Variants in CNOT10 observed in about 807,000 individuals in gnomAD.
The protein encoded by CNOT10 is CCR4-NOT transcription complex subunit 10, also known as CCR4-NOT transcription complex, subunit 10.
CNOT10 carries 30 observed loss-of-function variants against 94.6 expected under a neutral mutation model. The ratio of observed to expected loss-of-function variants is 0.32; its 90% CI spans 0.24 to 0.43. The LOEUF is 0.43. Ranked by LOEUF, CNOT10 falls within the 20% of genes least tolerant of loss-of-function variation. The pLI is 1.00. For synonymous variants in CNOT10, 289 were observed against 301.6 expected (o/e 0.96, Z 0.43); for missense variants, 759 against 877.2 (o/e 0.87, Z 1.70).
chr3:32,753,706 G>A, intron 13 of CNOT10: 1 of 1,590,586 alleles, frequency 6.3e-7, no homozygotes, highest in Non-Finnish European at 8.6e-7. Context: ...AGAAAATAAT[G>A]AAAAGTTGGA....
chr3:32,741,973 A>G (rs1411316911), intron 13 of CNOT10, among the ~76,000 whole-genome samples: 1 of 150,660 alleles, frequency 6.6e-6, no homozygotes, highest in Non-Finnish European at 1.5e-5. Context: ...TTTATTTTTT[A>G]TTTTATTTTA....
At chr3:32,724,569 C>G (rs913274510) in intron 8 of CNOT10, among the ~76,000 whole-genome samples, 2 of 152,086 alleles carry the variant, frequency 1.3e-5, no homozygotes, top group African/African-American at 4.8e-5. Flanking sequence ...CCCGCCACCA[C>G]GCCCGGCTAA....
intron 10 of CNOT10, chr3:32,730,639 A>G (rs1020796280): frequency 6.6e-6 from 1 of 152,228 alleles, no homozygotes; most frequent in Non-Finnish European, 1.5e-5. Context: ...ATAAAATTCC[A>G]TAAAATTTGT....
chr3:32,773,286 G>C (rs750853125), intron 18 of CNOT10, among the ~76,000 whole-genome samples, 171 bp from the exon 19 acceptor site: 4 of 152,152 alleles, frequency 2.6e-5, no homozygotes, highest in Non-Finnish European at 4.4e-5. Flanking sequence ...GCTTAAATCA[G>C]AATTTCTGGG....
In CNOT10 at chr3:32,736,600, C is replaced by T. The variant is rs376534804; in HGVS notation, c.1515-810C>T. Among the ~76,000 whole-genome samples, 17 of 152,236 alleles carry T rather than the reference C, an allele frequency of 1.1e-4. No individual in the cohort carries two copies. In the East Asian group the frequency reaches 2.9e-3, roughly 26 times the overall value. ...AGCTAGCCTGTCCAACATAATGAGA[C>T]CCCATCTCTACAAGAAATAAAAAAA... is the stretch of plus-strand genomic sequence containing the variant. On this transcript the variant is annotated intron_variant, in intron 12 of 18. Coordinates refer to ENST00000328834, the MANE Select transcript of CNOT10 (RefSeq NM_015442.3).
At chr3:32,723,944 G>A (rs1397023414) in intron 8 of CNOT10, among the ~76,000 whole-genome samples, 1 of 152,074 alleles carries the variant, frequency 6.6e-6, no homozygotes, top group Non-Finnish European at 1.5e-5. Flanking sequence ...GCTGGGCATG[G>A]TGGCCCGTGC....
chr3:32,703,544 TC>T (rs1424810981), intron 1 of CNOT10, among the ~76,000 whole-genome samples: 1 of 152,210 alleles, frequency 6.6e-6, no homozygotes, highest in Non-Finnish European at 1.5e-5. Flanking sequence ...TCACCTTTCT[TC>T]CTGTGACCTA....
At chr3:32,753,864 A>G (rs578088001) in intron 13 of CNOT10, 1 of 1,435,944 alleles carries the variant, frequency 7.0e-7, no homozygotes, top group African/African-American at 1.4e-5. Context: ...AGGAAAGTTG[A>G]AATCAATCCT....
Position 32,708,630 on chromosome 3 carries a change from C to T in CNOT10, c.280-40C>T, listed in dbSNP as rs746037510. The T allele has an allele frequency of 3.9e-6, 6 of 1,547,738 alleles. No individual in the cohort carries two copies. In the East Asian group the frequency reaches 7.0e-5, roughly 18 times the overall value. ...ATTCTTTCACTTTTGCTTTTTATTT[C>T]CTTAATGTTAAAATATAACCTCTGT... On this transcript the variant is annotated intron_variant, in intron 3 of 18. Transcript: ENST00000328834.
Position 32,717,439 on chromosome 3 carries a change from T to C in CNOT10, c.744+202T>C, listed in dbSNP as rs549117905. On this transcript the variant is annotated intron_variant, in intron 7 of 18. Coordinates refer to ENST00000328834, the MANE Select transcript of CNOT10 (RefSeq NM_015442.3). Reference sequence around the variant, plus strand: ...TTTACTTAAAATTACAACAAGCACTTTTCTATTTTATGTAACCTTCAAAAC... The same window carrying C: ...TTTACTTAAAATTACAACAAGCACTCTTCTATTTTATGTAACCTTCAAAAC... Among the ~76,000 whole-genome samples the C allele has an allele frequency of 2.6e-5, 4 of 152,348 alleles. No individual in the cohort carries two copies. In the South Asian group the frequency reaches 8.3e-4, roughly 32 times the overall value.
intron 1 of CNOT10, among the ~76,000 whole-genome samples, chr3:32,703,639 GACTTCCTGGATGGGAC>G (rs1697476734): frequency 1.3e-5 from 2 of 152,328 alleles, no homozygotes; most frequent in African/African-American, 4.8e-5. Context: ...AGGAATGATT[GACTTCCTGGATGGGAC>G]AGAGCGGGAC....
At chr3:32,762,913 C>A (rs1700512032) in intron 15 of CNOT10, 50 bp downstream of exon 15, 1 of 1,453,940 alleles carries the variant, frequency 6.9e-7, no homozygotes, top group African/African-American at 1.5e-5. Context: ...CCATTTCCCT[C>A]CTGTCATAAT....
In CNOT10 at chr3:32,687,459, T is replaced by TTTTTTTTTTTTTG. The variant is rs1559471779; in HGVS notation, c.22+1987_22+1988insTTGTTTTTTTTTT. ...TCACGGTTTTTTTTTTTTGTTTTTT[T>TTTTTTTTTTTTTG]TTTTTTTTTTGAGACGGAGTCTCGC... On this transcript the variant is annotated intron_variant, in intron 1 of 18. Transcript: ENST00000328834. 1.7e-4 allele frequency among the ~76,000 whole-genome samples: 19 copies of TTTTTTTTTTTTTG among 110,112 alleles called. 3 individuals are homozygous for TTTTTTTTTTTTTG. The highest frequency in any genetic ancestry group is 3.1e-4 in the Non-Finnish European group (16 of 52,456). 72.2% of individuals were successfully genotyped at this position (110,112 alleles called of 152,430 possible).
At chr3:32,753,971 C>T (rs1406961187) in intron 13 of CNOT10, 1 of 751,774 alleles carries the variant, frequency 1.3e-6, no homozygotes, top group Non-Finnish European at 2.0e-6. Context: ...GAGGTGCATG[C>T]TTGTAATCCC....
chr3:32,698,382 A>G (rs1311076924), intron 1 of CNOT10, among the ~76,000 whole-genome samples: 1 of 152,172 alleles, frequency 6.6e-6, no homozygotes, highest in African/African-American at 2.4e-5. Context: ...CAAGTTATAC[A>G]GTATTACGTT....
chr3:32,770,486 C>T (rs1283797951), intron 18 of CNOT10, among the ~76,000 whole-genome samples: 1 of 151,378 alleles, frequency 6.6e-6, no homozygotes, highest in Non-Finnish European at 1.5e-5. Flanking sequence ...CCACCACGCC[C>T]ACCTAATTTT....
intron 13 of CNOT10, among the ~76,000 whole-genome samples, chr3:32,754,487 A>AGT (rs1296898874): frequency 1.8e-4 from 11 of 62,722 alleles, no homozygotes; most frequent in Non-Finnish European, 2.5e-4. Flanking sequence ...AAAAAAAAAA[A>AGT]AAATACATAT....
chr3:32,736,974 C>T (rs1380092002), intron 12 of CNOT10, among the ~76,000 whole-genome samples: 1 of 152,108 alleles, frequency 6.6e-6, no homozygotes, highest in African/African-American at 2.4e-5. Flanking sequence ...TACCAAATTA[C>T]TAAGTATTTC....
At chr3:32,749,670 A>C (rs1699872666) in intron 13 of CNOT10, among the ~76,000 whole-genome samples, 1 of 152,102 alleles carries the variant, frequency 6.6e-6, no homozygotes, top group Non-Finnish European at 1.5e-5. Flanking sequence ...TCGGCCTCCC[A>C]AAGTGCTGGG....
Sources: gnomAD v4.1 joint callset for allele counts (sites outside exome capture counted in the v4.1 genomes callset) on GRCh38, gnomAD v4.1.1 for gene constraint, MANE v1.5 for transcripts, NCBI Gene and HGNC (gene_info 2026-07-23, HGNC 2026-07-21) for gene names.